Variants in VAV1 observed in about 807,000 individuals in gnomAD.
The protein encoded by VAV1 is proto-oncogene vav.
VAV1 carries 33 observed loss-of-function variants against 128.1 expected under a neutral mutation model. The ratio of observed to expected loss-of-function variants is 0.26; its 90% CI spans 0.20 to 0.34. The LOEUF (loss-of-function observed/expected upper bound fraction) is 0.34, where lower values mean the gene tolerates loss of function less well. Ranked by LOEUF, VAV1 falls within the 10% of genes least tolerant of loss-of-function variation. The pLI, the probability that VAV1 is intolerant of heterozygous loss-of-function variation, is 1.00. For synonymous variants in VAV1, 394 were observed against 409.8 expected (o/e 0.96, Z 0.47); for missense variants, 715 against 1,093.7 (o/e 0.65, Z 4.88).
At chr19:6,797,744 A>T (rs1465168563) in intron 1 of VAV1, among the ~76,000 whole-genome samples, 2 of 116,106 alleles carry the variant, frequency 1.7e-5, no homozygotes, top group South Asian at 2.4e-4. Flanking sequence ...AACTCCGTCT[A>T]AAAAAAAAAA....
At position 6,820,349 on chromosome 19, in the gene VAV1, C is replaced by T. The variant is rs902451208; in HGVS notation, c.205-353C>T. On this transcript the variant is annotated intron_variant, in intron 1 of 26. Transcript: ENST00000602142. This position sits in a 1 kb window ranked among gnomAD's most constrained non-coding sequence, Gnocchi z 4.4. Reference sequence around the variant, plus strand: ...CTCCTGGGCTCAGTGATCCACTCATCTCCGCCTCCTGAGTAGTTCAAAATG... The same window carrying T: ...CTCCTGGGCTCAGTGATCCACTCATTTCCGCCTCCTGAGTAGTTCAAAATG... Among the ~76,000 whole-genome samples the T allele has an allele frequency of 2.6e-5, 4 of 152,196 alleles. No individual in the cohort carries two copies. The highest frequency in any genetic ancestry group is 9.7e-5 in the African/African-American group (4 of 41,448).
rs1261888608 is a variant in VAV1 at position 6,828,056 on chromosome 19, A to G, written c.928-20A>G. 2 of 1,612,688 alleles carry G rather than the reference A, an allele frequency of 1.2e-6. No individual in the cohort carries two copies. On this transcript the variant is annotated intron_variant, in intron 9 of 26. Coordinates refer to ENST00000602142, the MANE Select transcript of VAV1 (RefSeq NM_005428.4). This position sits in a 1 kb window ranked among gnomAD's most constrained non-coding sequence, Gnocchi z 4.5. ...TTCTGGGACCTGCCTCAGTTTCCCC[A>G]TTGTTCTCTGATTCCCCAGGAATGT... is the stretch of plus-strand genomic sequence containing the variant.
At chr19:6,841,111 C>T (rs943523597) in intron 21 of VAV1, among the ~76,000 whole-genome samples, 8 of 151,594 alleles carry the variant, frequency 5.3e-5, no homozygotes, top group Admixed American at 5.3e-4. Flanking sequence ...GACAGGGTTT[C>T]ATCATGTTGC....
At chr19:6,782,349 T>TAAATAA (rs976863300) in intron 1 of VAV1, among the ~76,000 whole-genome samples, 1 of 150,592 alleles carries the variant, frequency 6.6e-6, no homozygotes, top group African/African-American at 2.4e-5. Context: ...AATAAATAAA[T>TAAATAA]AAATAAAAAT....
intron 1 of VAV1, among the ~76,000 whole-genome samples, chr19:6,804,135 A>C (rs1485118793): frequency 6.6e-6 from 1 of 151,988 alleles, no homozygotes; most frequent in Non-Finnish European, 1.5e-5. Flanking sequence ...ACTCTCTATG[A>C]CACTATAATA....
At chr19:6,835,660 A>G (rs1972203571) in intron 19 of VAV1, 5 of 152,170 alleles carry the variant, frequency 3.3e-5, no homozygotes. Context: ...GGTTTCTTTT[A>G]TCTGACGTAA....
chr19:6,821,944 C>T (rs1207288811), intron 4 of VAV1, 85 bp downstream of exon 4: 106 of 1,563,598 alleles, frequency 6.8e-5, no homozygotes, highest in Non-Finnish European at 8.6e-5. Context: ...CCTTGCCCTC[C>T]GGGAAATAAG....
intron 23 of VAV1, 86 bp from the exon 24 acceptor site, chr19:6,850,584 G>T: frequency 7.5e-7 from 1 of 1,337,952 alleles, no homozygotes; most frequent in South Asian, 1.2e-5. Flanking sequence ...CCCTGAAGGG[G>T]TCAAGGTTGC....
Position 6,833,733 on chromosome 19 carries a change from G to C in VAV1, c.1731G>C (p.Lys577Asn). Residue 577 changes from lysine to asparagine, a missense_variant and splice_region_variant, in exon 18 of 27, where the codon AAG (lysine) becomes AAC (asparagine). Physicochemically the swap from Lys to Asn is moderately conservative, Grantham distance 94. Transcript: ENST00000602142. ...HGQDFPGTMK[K>N]DKLHRRAQDK... ...TAGATTTCCCAGGAACTATGAAGAA[G>C]GTAAGACTTTCCCGTGGTCCTTCCT... 1 of 1,614,156 alleles carries C rather than the reference G, an allele frequency of 6.2e-7. No homozygotes were observed. The highest frequency in any genetic ancestry group is 8.5e-7 in the Non-Finnish European group (1 of 1,180,032).
rs1229078107 is a variant in VAV1, at chr19:6,828,382, G to A, written c.1024-37G>A. ...GGCCCTCCCCGCAGGGAGAAGGGGAGGGGCCCAGGTGACGTCTGACGTCTT... is the reference window on the plus strand; with the variant it reads ...GGCCCTCCCCGCAGGGAGAAGGGGAAGGGCCCAGGTGACGTCTGACGTCTT... On this transcript the variant is annotated intron_variant, in intron 10 of 26. Coordinates refer to ENST00000602142, the MANE Select transcript of VAV1 (RefSeq NM_005428.4). The surrounding 1 kb of genome is among the most constrained non-coding windows in gnomAD (Gnocchi z 4.5). The A allele has an allele frequency of 6.2e-7, 1 of 1,612,986 alleles. No individual in the cohort carries two copies. The highest frequency in any genetic ancestry group is 8.5e-7 in the Non-Finnish European group (1 of 1,179,358).
chr19:6,843,927 A>G (rs1033469438), intron 22 of VAV1, among the ~76,000 whole-genome samples: 5 of 151,990 alleles, frequency 3.3e-5, no homozygotes, highest in East Asian at 1.9e-4. Context: ...AATGGCACAT[A>G]AAAGAATGGG....
At chr19:6,786,664 T>A (rs691502) in intron 1 of VAV1, among the ~76,000 whole-genome samples, 1 of 151,792 alleles carries the variant, frequency 6.6e-6, no homozygotes, top group Non-Finnish European at 1.5e-5. Context: ...GCGCCTATAG[T>A]CCCAGCTACT....
At chr19:6,807,983 C>T (rs1215086860) in intron 1 of VAV1, among the ~76,000 whole-genome samples, 3 of 108,898 alleles carry the variant, frequency 2.8e-5, no homozygotes, top group Non-Finnish European at 3.4e-5. Context: ...GAGTGAGACT[C>T]TGTCTCAAAA....
At position 6,794,238 on chromosome 19, in the gene VAV1, T is replaced by G. The variant is rs192842994; in HGVS notation, c.204+21227T>G. On this transcript the variant is annotated intron_variant, in intron 1 of 26. Coordinates refer to ENST00000602142, the MANE Select transcript of VAV1 (RefSeq NM_005428.4). Reference sequence around the variant, plus strand: ...TGGTAATAAATCATTTATCAATGAGTGAAATCATTTGGGACAAAGAAGAGA... The same window carrying G: ...TGGTAATAAATCATTTATCAATGAGGGAAATCATTTGGGACAAAGAAGAGA... 4.3e-4 allele frequency among the ~76,000 whole-genome samples: 65 copies of G among 152,140 alleles called. 1 individual carries two copies. In the East Asian group the frequency reaches 8.5e-3, roughly 20 times the overall value.
At chr19:6,781,237 C>T (rs1970761134) in intron 1 of VAV1, among the ~76,000 whole-genome samples, 3 of 152,254 alleles carry the variant, frequency 2.0e-5, no homozygotes, top group Admixed American at 6.5e-5. Context: ...AATTTTAAGA[C>T]GTTTTATTTT....
intron 1 of VAV1, among the ~76,000 whole-genome samples, chr19:6,773,968 G>A (rs1178534144): frequency 6.6e-6 from 1 of 152,024 alleles, no homozygotes; most frequent in Non-Finnish European, 1.5e-5. Context: ...AGGTCTGAGG[G>A]GACAGCTCCC....
chr19:6,843,006 C>T, intron 21 of VAV1, 129 bp from the exon 22 acceptor site: 1 of 994,914 alleles, frequency 1.0e-6, no homozygotes, highest in Non-Finnish European at 1.6e-6. Flanking sequence ...TACCACAGTG[C>T]CTGGCACATA....
chr19:6,814,675 T>TTCCTTCCTTCCTTTCTTTCTTC (rs1568299213), intron 1 of VAV1, among the ~76,000 whole-genome samples: 4 of 77,020 alleles, frequency 5.2e-5, no homozygotes, highest in African/African-American at 2.4e-4. Flanking sequence ...TTCCTTCCTT[T>TTCCTTCCTTCCTTTCTTTCTTC]CTTTCTTTCT....
chr19:6,827,502 T>C (rs1257858477), intron 9 of VAV1, among the ~76,000 whole-genome samples: 1 of 152,132 alleles, frequency 6.6e-6, no homozygotes, highest in Non-Finnish European at 1.5e-5. Flanking sequence ...CTCAAACTCC[T>C]GGGCTCAAGC....
Sources: allele counts gnomAD v4.1 joint callset (sites outside exome capture counted in the v4.1 genomes callset), GRCh38; gene constraint gnomAD v4.1.1; non-coding constraint Gnocchi (gnomAD v3.1); transcripts MANE v1.5; gene names NCBI Gene and HGNC (gene_info 2026-07-23, HGNC 2026-07-21).